GBE1: variants seen among roughly 807,000 people sequenced by gnomAD.
GBE1 encodes 1,4-alpha-glucan branching enzyme 1, also known as 1,4-alpha-glucan-branching enzyme.
A neutral mutation model predicts 88.8 loss-of-function variants in GBE1; 70 were observed. The ratio of observed to expected loss-of-function variants is 0.79; its 90% confidence interval spans 0.65 to 0.96. The LOEUF is 0.96. GBE1 is among the 40% of genes least tolerant of loss of function. GBE1 has a pLI of 0.00. For synonymous variants in GBE1, 284 were observed against 300.1 expected (o/e 0.95, Z 0.56); for missense variants, 872 against 871.0 (o/e 1.00, Z -0.01).
intron 1 of GBE1, among the ~76,000 whole-genome samples, chr3:81,718,430 T>A (rs1705973059): frequency 6.6e-6 from 1 of 152,208 alleles, no homozygotes; most frequent in South Asian, 2.1e-4. Context: ...GAAAGCTTAC[T>A]TAAGCTCTCA....
intron 15 of GBE1, among the ~76,000 whole-genome samples, chr3:81,495,153 C>T (rs537680019): frequency 3.8e-4 from 58 of 152,274 alleles, no homozygotes; most frequent in African/African-American, 1.3e-3. Context: ...CTTTGGGAGG[C>T]CGAGGCAGGT....
At chr3:81,509,618 A>AT (rs1015911320) in intron 14 of GBE1, 24 of 151,836 alleles carry the variant, frequency 1.6e-4, no homozygotes, top group African/African-American at 5.8e-4. Context: ...AGAATCTGGC[A>AT]TTTGAGTGAG....
chr3:81,710,590 A>AT (rs1705850656), intron 1 of GBE1, among the ~76,000 whole-genome samples: 1 of 151,694 alleles, frequency 6.6e-6, no homozygotes, highest in Non-Finnish European at 1.5e-5. Context: ...CTTTTTCCTA[A>AT]TTTTTTTAAC....
chr3:81,578,653 C>A (rs1032980346), intron 11 of GBE1, among the ~76,000 whole-genome samples: 1 of 151,656 alleles, frequency 6.6e-6, no homozygotes, highest in African/African-American at 2.4e-5. Context: ...ATTGTATTTG[C>A]CATTTAATCT....
intron 12 of GBE1, among the ~76,000 whole-genome samples, chr3:81,562,553 A>G (rs1355560984): frequency 6.6e-6 from 1 of 152,082 alleles, no homozygotes; most frequent in African/African-American, 2.4e-5. Context: ...AGGGAATCAT[A>G]TCTACCTCTC....
intron 1 of GBE1, among the ~76,000 whole-genome samples, chr3:81,730,847 T>C (rs1344584987): frequency 6.6e-6 from 1 of 152,172 alleles, no homozygotes; most frequent in South Asian, 2.1e-4. Flanking sequence ...ATGGAGTCTG[T>C]AGCAAATATG....
intron 1 of GBE1, among the ~76,000 whole-genome samples, chr3:81,721,191 T>TA (rs1452912400): frequency 1.2e-5 from 1 of 84,776 alleles, no homozygotes; most frequent in Non-Finnish European, 2.2e-5. Flanking sequence ...CCCTAAAACT[T>TA]AGAGTATAAT....
intron 12 of GBE1, among the ~76,000 whole-genome samples, chr3:81,569,679 C>T (rs1055691548): frequency 5.3e-5 from 8 of 152,174 alleles, no homozygotes; most frequent in East Asian, 1.9e-4. Context: ...CTAGCAGTCA[C>T]GACCACAGCT....
chr3:81,527,769 G>A (rs1702962101), intron 14 of GBE1, among the ~76,000 whole-genome samples: 1 of 152,038 alleles, frequency 6.6e-6, no homozygotes, highest in African/African-American at 2.4e-5. Flanking sequence ...ACTGTTAGTG[G>A]GAATGTAAAC....
At chr3:81,518,936 AC>A (rs1702834986) in intron 14 of GBE1, among the ~76,000 whole-genome samples, 1 of 151,674 alleles carries the variant, frequency 6.6e-6, no homozygotes, top group South Asian at 2.1e-4. Flanking sequence ...AGTATCTAAA[AC>A]CTGGAAAACT....
intron 1 of GBE1, among the ~76,000 whole-genome samples, chr3:81,728,231 GTC>G (rs1320319973): frequency 6.6e-6 from 1 of 152,032 alleles, no homozygotes; most frequent in Non-Finnish European, 1.5e-5. Context: ...AATCAAAAAC[GTC>G]TGTCATCCTA....
chr3:81,726,643 A>T (rs1023960793), intron 1 of GBE1, among the ~76,000 whole-genome samples: 1 of 149,084 alleles, frequency 6.7e-6, no homozygotes, highest in Admixed American at 6.7e-5. Context: ...ATGCAGTGGC[A>T]CAATCTCAGC....
intron 15 of GBE1, among the ~76,000 whole-genome samples, chr3:81,496,877 T>G (rs944986183): frequency 8.5e-5 from 13 of 152,310 alleles, no homozygotes; most frequent in African/African-American, 3.1e-4. Flanking sequence ...GAGTAATTCC[T>G]GAAGCACTGT....
At chr3:81,531,092 T>C (rs1412671049) in intron 14 of GBE1, among the ~76,000 whole-genome samples, 2 of 151,082 alleles carry the variant, frequency 1.3e-5, no homozygotes, top group African/African-American at 4.9e-5. Context: ...AGCCTCTCTA[T>C]CCATGGCCAC....
chr3:81,750,524 CATAT>C (rs200708858), intron 1 of GBE1, among the ~76,000 whole-genome samples: 3 of 93,894 alleles, frequency 3.2e-5, no homozygotes, highest in African/African-American at 5.7e-5. Context: ...TCAAAACATT[CATAT>C]ATATATATAC....
In GBE1 at chr3:81,633,020, C is replaced by T. The variant is rs977963818; in HGVS notation, c.992+9761G>A. On this transcript the variant is annotated intron_variant, in intron 7 of 15. Transcript: ENST00000429644. ...ACAGTTGGTCAGTTCCACAATTGTT[C>T]TGAATTTTGTCCTTCTACCAAAAAA... is the stretch of plus-strand genomic sequence containing the variant. Among the ~76,000 whole-genome samples the T allele has an allele frequency of 9.2e-5, 14 of 152,226 alleles. No homozygotes were observed. The Middle Eastern group carries it at 0.01, about 111-fold the overall frequency.
chr3:81,637,973 T>C (rs1704614300), intron 7 of GBE1, among the ~76,000 whole-genome samples: 1 of 152,070 alleles, frequency 6.6e-6, no homozygotes, highest in African/African-American at 2.4e-5. Flanking sequence ...AGAAAAGCCA[T>C]ATGGTAAGAT....
chr3:81,724,940 C>T (rs1335202538), intron 1 of GBE1, among the ~76,000 whole-genome samples: 3 of 152,210 alleles, frequency 2.0e-5, no homozygotes, highest in South Asian at 2.1e-4. Flanking sequence ...AGCTATTTGT[C>T]GAAATCAAGA....
At chr3:81,649,651 C>A in intron 4 of GBE1, 145 bp downstream of exon 4, 1 of 567,598 alleles carries the variant, frequency 1.8e-6, no homozygotes, top group Non-Finnish European at 3.0e-6. Context: ...GATACTCATA[C>A]AGTATAAAAG....
Sources: gnomAD v4.1 joint callset for allele counts (sites outside exome capture counted in the v4.1 genomes callset) on GRCh38, gnomAD v4.1.1 for gene constraint, MANE v1.5 for transcripts, NCBI Gene and HGNC (gene_info 2026-07-23, HGNC 2026-07-21) for gene names.